Variants in AGBL1 observed in about 807,000 individuals in gnomAD.
AGBL1 encodes the protein cytosolic carboxypeptidase 4.
AGBL1 carries 130 observed loss-of-function variants against 118.9 expected under a neutral mutation model. That is an observed-to-expected ratio of 1.09 (90% CI 0.95 to 1.26). The LOEUF is 1.26. Among genes scored for constraint, AGBL1 ranks in the 50% most tolerant of loss-of-function variants. AGBL1 has a pLI of 0.00. For missense variants in AGBL1, 1,584 were observed against 1,298.1 expected, an observed-to-expected ratio of 1.22 and a Z score of -3.38; for synonymous variants, 555 against 478.9, an observed-to-expected ratio of 1.16 and a Z score of -2.08.
At chr15:86,701,207 A>G (rs1470736991) in intron 22 of AGBL1, among the ~76,000 whole-genome samples, 1 of 152,128 alleles carries the variant, frequency 6.6e-6, no homozygotes, top group Non-Finnish European at 1.5e-5. Flanking sequence ...TTTATAAAGT[A>G]AGGAAATGGA....
chr15:86,301,641 GGTGTGT>G (rs60282415), intron 17 of AGBL1, among the ~76,000 whole-genome samples: 17,830 of 137,138 alleles, frequency 0.13, 1,416 homozygotes, highest in African/African-American at 0.23. Flanking sequence ...TAATCTACAG[GGTGTGT>G]GTGTGTGTGT....
At chr15:86,768,274 C>G (rs1232547166) in intron 22 of AGBL1, among the ~76,000 whole-genome samples, 1 of 151,962 alleles carries the variant, frequency 6.6e-6, no homozygotes, top group Admixed American at 6.6e-5. Context: ...CATACCCTTC[C>G]CATTGCATAT....
intron 21 of AGBL1, among the ~76,000 whole-genome samples, chr15:86,664,774 ATTAAAT>A (rs1293774980): frequency 1.3e-5 from 2 of 152,032 alleles, no homozygotes; most frequent in East Asian, 1.9e-4. Context: ...AAATTAAAAT[ATTAAAT>A]TTAAATTTAA....
intron 18 of AGBL1, among the ~76,000 whole-genome samples, chr15:86,404,459 G>A (rs1237655027): frequency 1.3e-5 from 2 of 152,142 alleles, no homozygotes; most frequent in South Asian, 2.1e-4. Context: ...CCTCTGGGCT[G>A]GGCCAGGCCT....
chr15:86,936,598 T>C (rs1178190630), intron 23 of AGBL1, among the ~76,000 whole-genome samples: 1 of 152,182 alleles, frequency 6.6e-6, no homozygotes, highest in Non-Finnish European at 1.5e-5. Context: ...TGGCTAGCCA[T>C]ATGTAGAAGA....
At chr15:86,635,412 A>C (rs900268036) in intron 21 of AGBL1, among the ~76,000 whole-genome samples, 1 of 150,196 alleles carries the variant, frequency 6.7e-6, no homozygotes, top group African/African-American at 2.5e-5. Flanking sequence ...CTGTGTAATT[A>C]TCAAGGGCAA....
Position 86,872,216 on chromosome 15 carries a change from T to G in AGBL1, c.3159-34871T>G, listed in dbSNP as rs573035907. Among the ~76,000 whole-genome samples, 23 of 152,328 alleles carry G rather than the reference T, an allele frequency of 1.5e-4. No homozygotes were observed. The South Asian group carries it at 4.8e-3, about 32-fold the overall frequency. On this transcript the variant is annotated intron_variant, in intron 22 of 22. Transcript: ENST00000614907. ...TGTCGCATAAATCACAAGCAGTGCC[T>G]GTGAATTCTCATCAGGTCCCCTTGC...
intron 23 of AGBL1, among the ~76,000 whole-genome samples, chr15:86,986,453 C>T (rs1383561234): frequency 2.0e-5 from 3 of 152,076 alleles, no homozygotes; most frequent in East Asian, 1.9e-4. Flanking sequence ...AGTCTTTCAA[C>T]TTATTTCTTT....
intron 5 of AGBL1, among the ~76,000 whole-genome samples, chr15:86,217,906 T>G (rs968978802): frequency 6.6e-6 from 1 of 152,144 alleles, no homozygotes; most frequent in African/African-American, 2.4e-5. Flanking sequence ...AATCTGAGCC[T>G]CTGATTGAGA....
At chr15:86,636,199 A>G (rs1289867767) in intron 21 of AGBL1, among the ~76,000 whole-genome samples, 3 of 152,178 alleles carry the variant, frequency 2.0e-5, no homozygotes, top group African/African-American at 7.2e-5. Flanking sequence ...TGCTGCTAAA[A>G]TACCCACTTC....
chr15:86,436,787 G>A (rs1162658898), intron 18 of AGBL1, among the ~76,000 whole-genome samples: 1 of 152,208 alleles, frequency 6.6e-6, no homozygotes, highest in African/African-American at 2.4e-5. Flanking sequence ...ATTAGCTGAG[G>A]AAAGACTAAG....
intron 22 of AGBL1, among the ~76,000 whole-genome samples, chr15:86,709,521 C>G (rs1416970700): frequency 6.6e-6 from 1 of 152,134 alleles, no homozygotes; most frequent in Non-Finnish European, 1.5e-5. Flanking sequence ...ATTTTCCTTT[C>G]TGTATTTCAT....
chr15:86,882,090 G>C (rs527435922), intron 22 of AGBL1, among the ~76,000 whole-genome samples: 3 of 152,170 alleles, frequency 2.0e-5, no homozygotes, highest in Non-Finnish European at 4.4e-5. Flanking sequence ...GAAATTGCCC[G>C]TATCCAACCT....
intron 22 of AGBL1, among the ~76,000 whole-genome samples, chr15:86,823,281 C>G (rs75816422): frequency 3.9e-5 from 6 of 152,182 alleles, no homozygotes; most frequent in Admixed American, 2.6e-4. Context: ...GTGGGACATA[C>G]GACCTGAGAT....
At chr15:86,143,611 T>C (rs900146730) in intron 2 of AGBL1, 88 bp from the exon 3 acceptor site, 20 of 1,477,558 alleles carry the variant, frequency 1.4e-5, no homozygotes, top group South Asian at 1.0e-4. Context: ...TAATTCTTGC[T>C]CTGTCTCTAG....
chr15:86,215,543 G>A (rs1343654656), intron 5 of AGBL1, among the ~76,000 whole-genome samples: 1 of 152,140 alleles, frequency 6.6e-6, no homozygotes, highest in Non-Finnish European at 1.5e-5. Flanking sequence ...AGTGCTCAAT[G>A]TGGTGTTGGA....
chr15:86,837,454 G>A (rs759684900), intron 22 of AGBL1, among the ~76,000 whole-genome samples: 40 of 152,142 alleles, frequency 2.6e-4, no homozygotes, highest in Non-Finnish European at 4.0e-4. Flanking sequence ...ATTTTAATGG[G>A]AAAACAGCCA....
At chr15:86,851,357 C>G (rs902965249) in intron 22 of AGBL1, among the ~76,000 whole-genome samples, 2 of 152,062 alleles carry the variant, frequency 1.3e-5, no homozygotes, top group African/African-American at 4.8e-5. Flanking sequence ...CCCACCTAAC[C>G]CTGTAGGAGG....
At chr15:86,189,630 C>G (rs975099771) in intron 5 of AGBL1, among the ~76,000 whole-genome samples, 1 of 152,268 alleles carries the variant, frequency 6.6e-6, no homozygotes, top group South Asian at 2.1e-4. Flanking sequence ...CTCTCTTTCT[C>G]TTGCTGCTTC....
Sources: allele counts gnomAD v4.1 joint callset (sites outside exome capture counted in the v4.1 genomes callset), GRCh38; gene constraint gnomAD v4.1.1; transcripts MANE v1.5; gene names NCBI Gene and HGNC (gene_info 2026-07-23, HGNC 2026-07-21).